Variants in WDR41 observed in about 807,000 individuals in gnomAD.
The protein encoded by WDR41 is WD repeat domain 41.
A neutral mutation model predicts 69.3 loss-of-function variants in WDR41; 63 were observed. The observed-to-expected ratio is 0.91, with a 90% CI of 0.74 to 1.12. WDR41 has a LOEUF of 1.12. Among genes scored for constraint, WDR41 ranks in the 50% most tolerant of loss-of-function variants. The pLI, the probability that WDR41 is intolerant of heterozygous loss-of-function variation, is 0.00. For synonymous variants in WDR41, 185 were observed against 192.1 expected (o/e 0.96, Z 0.31); for missense variants, 543 against 534.5 (o/e 1.02, Z -0.16).
chr5:77,584,625 G>T (rs1253973149), intron 1 of WDR41, among the ~76,000 whole-genome samples: 2 of 152,104 alleles, frequency 1.3e-5, no homozygotes, highest in African/African-American at 4.8e-5. Context: ...AGTGGGGAAA[G>T]GACACCCTTT....
intron 1 of WDR41, among the ~76,000 whole-genome samples, chr5:77,505,541 A>T (rs1802092296): frequency 6.6e-6 from 1 of 152,200 alleles, no homozygotes; most frequent in Non-Finnish European, 1.5e-5. Flanking sequence ...TAAAAAAGTA[A>T]AGTTCATATG....
intron 1 of WDR41, among the ~76,000 whole-genome samples, chr5:77,618,230 G>A (rs905103716): frequency 3.3e-5 from 5 of 152,060 alleles, no homozygotes; most frequent in Non-Finnish European, 7.4e-5. Context: ...AGATTCCTAC[G>A]CCCCATTCCC....
At chr5:77,482,518 G>GT (rs984061989) in intron 2 of WDR41, among the ~76,000 whole-genome samples, 28 of 151,374 alleles carry the variant, frequency 1.8e-4, no homozygotes, top group African/African-American at 3.2e-4. Context: ...CACAGTCTGG[G>GT]TTTTTTTTCC....
At chr5:77,466,599 T>C (rs565387670) in intron 2 of WDR41, among the ~76,000 whole-genome samples, 2 of 152,066 alleles carry the variant, frequency 1.3e-5, no homozygotes, top group East Asian at 1.9e-4. Context: ...CAATGAGAGA[T>C]GACTGAGAAC....
intron 1 of WDR41, among the ~76,000 whole-genome samples, chr5:77,519,046 C>T (rs1561213177): frequency 6.6e-6 from 1 of 151,912 alleles, no homozygotes; most frequent in Non-Finnish European, 1.5e-5. Context: ...GAAAAAAGAA[C>T]TTTTCAGCTA....
chr5:77,546,149 C>A, intron 1 of WDR41: 1 of 481,630 alleles, frequency 2.1e-6, no homozygotes, highest in South Asian at 4.2e-5. Context: ...CCTCCGACCT[C>A]TGGAAGGAGA....
chr5:77,494,151 C>A (rs1231933877), upstream of WDR41, among the ~76,000 whole-genome samples: 2 of 151,588 alleles, frequency 1.3e-5, no homozygotes, highest in African/African-American at 2.4e-5. Flanking sequence ...ATGGTAAACA[C>A]AAAAATACCT....
Position 77,432,445 on chromosome 5 carries a change from A to T in WDR41, c.*690T>A, listed in dbSNP as rs1278526693. 4 of 152,580 alleles carry T rather than the reference A, an allele frequency of 2.6e-5. No homozygotes were observed. The highest frequency in any genetic ancestry group is 5.9e-5 in the Non-Finnish European group (4 of 68,040). The allele number at this position is 152,580 out of a possible 1,614,324, so 9.5% of individuals were successfully genotyped here. A position where few individuals can be genotyped will look rare whatever the true frequency, so the allele number is the denominator to read the frequency against. On this transcript the variant is annotated 3_prime_UTR_variant, in exon 13 of 13. Transcript: ENST00000296679. The stretch of plus-strand genomic sequence containing the variant: ...CCGGAAACACTGTGCCTCTCAAATG[A>T]TCTAGAGCTCATCCTTGGCGTACAT...
intron 1 of WDR41, among the ~76,000 whole-genome samples, chr5:77,598,541 G>A (rs1182856007): frequency 2.0e-5 from 3 of 151,910 alleles, no homozygotes; most frequent in Non-Finnish European, 2.9e-5. Flanking sequence ...AGAGGTGAGA[G>A]ACAAAGAAGG....
chr5:77,571,225 A>G lies in WDR41; in HGVS notation c.42+49254T>C, dbSNP rs146887991. 7.3e-3 allele frequency among the ~76,000 whole-genome samples: 1,117 copies of G among 152,312 alleles called. 4 individuals carry two copies. The highest frequency in any genetic ancestry group is 0.012 in the Non-Finnish European group (843 of 68,026). On this transcript the variant is annotated intron_variant, in intron 1 of 5. Coordinates refer to the WDR41 transcript ENST00000509971. ...CCCCTAAATTTTGGGGGGAAAATTT[A>G]TGTAGCTGAGAAAACTACAGTATTG... is the stretch of plus-strand genomic sequence containing the variant.
At position 77,589,399 on chromosome 5, in the gene WDR41, G is replaced by A. The variant is rs1744096841; in HGVS notation, c.42+31080C>T. On this transcript the variant is annotated intron_variant, in intron 1 of 5. Coordinates refer to the WDR41 transcript ENST00000509971. ...GTTTTAAGAAAGCTTCCAGGGGTTT[G>A]AGATTGCATTACATTAAAAAACAAA... Among the ~76,000 whole-genome samples the A allele has an allele frequency of 2.6e-5, 4 of 152,110 alleles. No individual in the cohort carries two copies. In the South Asian group the frequency reaches 8.3e-4, roughly 31 times the overall value.
intron 1 of WDR41, among the ~76,000 whole-genome samples, chr5:77,520,329 AAAGATCTTT>A (rs1205666742): frequency 6.6e-6 from 1 of 152,200 alleles, no homozygotes; most frequent in Non-Finnish European, 1.5e-5. Context: ...ACTTGTATCT[AAAGATCTTT>A]AAGATCTTTT....
intron 1 of WDR41, among the ~76,000 whole-genome samples, chr5:77,574,044 T>G (rs1743780674): frequency 6.6e-6 from 1 of 152,156 alleles, no homozygotes; most frequent in African/African-American, 2.4e-5. Flanking sequence ...ACGCCTGTAA[T>G]CCCAGCACTT....
rs1327375686 is a variant in WDR41, at chr5:77,469,134, C to A, written c.168-4325G>T. ...GAAACCATCATTCTCAGCAAACTATCGCCAAGGACAAAAAACCAAACACCA... is the reference window on the plus strand; with the variant it reads ...GAAACCATCATTCTCAGCAAACTATAGCCAAGGACAAAAAACCAAACACCA... On this transcript the variant is annotated intron_variant, in intron 2 of 12. Coordinates refer to ENST00000296679, the MANE Select transcript of WDR41 (RefSeq NM_018268.4). 4.6e-5 allele frequency among the ~76,000 whole-genome samples: 7 copies of A among 151,988 alleles called. No homozygotes were observed. In the East Asian group the frequency reaches 7.7e-4, roughly 17 times the overall value.
rs145973045 is a variant in WDR41, at chr5:77,616,374, C to T, written c.42+4105G>A. Reference sequence around the variant, plus strand: ...GCAGATTTCCATGCACATCTGCATACAGAATCCACAACCATGATCTGCATT... The same window carrying T: ...GCAGATTTCCATGCACATCTGCATATAGAATCCACAACCATGATCTGCATT... On this transcript the variant is annotated intron_variant, in intron 1 of 5. Coordinates refer to the WDR41 transcript ENST00000509971. Among the ~76,000 whole-genome samples the T allele has an allele frequency of 3.0e-3, 464 of 152,300 alleles. 5 individuals carry two copies. The highest frequency in any genetic ancestry group is 0.011 in the African/African-American group (446 of 41,560).
At chr5:77,613,830 A>T (rs1744616534) in intron 1 of WDR41, among the ~76,000 whole-genome samples, 1 of 152,258 alleles carries the variant, frequency 6.6e-6, no homozygotes, top group Non-Finnish European at 1.5e-5. Context: ...CTGCAAAGCA[A>T]AAGAAACTAC....
rs759835733 is a variant in WDR41, at chr5:77,453,952, T to C, written c.412-24A>G. 8 of 1,570,342 alleles carry C rather than the reference T, an allele frequency of 5.1e-6. No homozygotes were observed. The East Asian group carries it at 1.1e-4, about 22-fold the overall frequency. ...CACTGCAAAATTTATTTGAAATGTA[T>C]ATCAGGTTAGAAACTTAAGCAGTCA... On this transcript the variant is annotated intron_variant, in intron 5 of 12. Coordinates refer to ENST00000296679, the MANE Select transcript of WDR41 (RefSeq NM_018268.4).
At chr5:77,579,463 A>C (rs1743895103) in intron 1 of WDR41, among the ~76,000 whole-genome samples, 1 of 152,186 alleles carries the variant, frequency 6.6e-6, no homozygotes, top group Non-Finnish European at 1.5e-5. Flanking sequence ...AAACTCAATA[A>C]GATTAACAGC....
intron 1 of WDR41, among the ~76,000 whole-genome samples, chr5:77,537,145 C>T (rs542660798): frequency 7.3e-4 from 111 of 152,360 alleles, no homozygotes; most frequent in African/African-American, 2.5e-3. Context: ...TACTTACCGA[C>T]CTTGCCTACA....
Sources: allele counts gnomAD v4.1 joint callset (sites outside exome capture counted in the v4.1 genomes callset), GRCh38; gene constraint gnomAD v4.1.1; transcripts MANE v1.5; gene names NCBI Gene and HGNC (gene_info 2026-07-23, HGNC 2026-07-21).